Variants in BST1 observed in about 807,000 individuals in gnomAD.
The protein encoded by BST1 is ADP-ribosyl cyclase/cyclic ADP-ribose hydrolase 2.
A neutral mutation model predicts 40.6 loss-of-function variants in BST1; 49 were observed. The observed-to-expected ratio is 1.21, with a 90% CI of 0.96 to 1.53. The LOEUF (loss-of-function observed/expected upper bound fraction) is 1.53, where lower values mean the gene tolerates loss of function less well. Ranked by LOEUF, BST1 falls within the 40% of genes most tolerant of loss-of-function variation. BST1 has a pLI of 0.00. For missense variants in BST1, 423 were observed against 395.9 expected, an observed-to-expected ratio of 1.07 and a Z score of -0.58; for synonymous variants, 157 against 159.3, an observed-to-expected ratio of 0.99 and a Z score of 0.11.
chr4:15,755,339 A>G, the BST1 span, among the ~76,000 whole-genome samples: 6 of 152,014 alleles, frequency 3.9e-5, no homozygotes, highest in Non-Finnish European at 1.5e-5. Context: ...GGGTTTCACC[A>G]TGTTTGTCTG....
At chr4:15,708,391 G>T (rs757260396) in intron 3 of BST1, among the ~76,000 whole-genome samples, 1 of 152,158 alleles carries the variant, frequency 6.6e-6, no homozygotes, top group Non-Finnish European at 1.5e-5. Flanking sequence ...AGCCTCATGG[G>T]GGATATCAGC....
intron 6 of BST1, among the ~76,000 whole-genome samples, chr4:15,717,913 G>T (rs1056196103): frequency 8.5e-5 from 13 of 152,176 alleles, no homozygotes; most frequent in African/African-American, 2.9e-4. Flanking sequence ...AGGTTGCAGT[G>T]AGCTAACTTG....
At chr4:15,735,985 C>T, downstream of BST1, 2 of 961,870 alleles carry the variant, frequency 2.1e-6, no homozygotes, top group Non-Finnish European at 2.8e-6. Flanking sequence ...CAAATCTCAT[C>T]TGTCATACTG....
At chr4:15,709,074 G>A (rs1429523093) in intron 3 of BST1, among the ~76,000 whole-genome samples, 1 of 152,130 alleles carries the variant, frequency 6.6e-6, no homozygotes, top group Non-Finnish European at 1.5e-5. Context: ...ACAATAAACA[G>A]GCAAGTGAAA....
At chr4:15,761,320 C>T in the BST1 span, among the ~76,000 whole-genome samples, 2 of 151,918 alleles carry the variant, frequency 1.3e-5, no homozygotes, top group Admixed American at 6.5e-5. Context: ...TCTAGCTGTA[C>T]AGTTCTGGGA....
At chr4:15,713,690 T>A (rs1720346981) in intron 4 of BST1, among the ~76,000 whole-genome samples, 1 of 152,044 alleles carries the variant, frequency 6.6e-6, no homozygotes, top group Non-Finnish European at 1.5e-5. Flanking sequence ...TGCATTGGCA[T>A]ACTTTTTATT....
chr4:15,728,643 CTTTTTTTTTTT>C (rs869200119), intron 8 of BST1, among the ~76,000 whole-genome samples: 1 of 119,804 alleles, frequency 8.3e-6, no homozygotes, highest in East Asian at 2.3e-4. Context: ...TCCTTCCTTC[CTTTTTTTTTTT>C]TTTTTTTTGA....
chr4:15,748,076 T>C, the BST1 span, among the ~76,000 whole-genome samples: 1 of 152,222 alleles, frequency 6.6e-6, no homozygotes, highest in Admixed American at 6.5e-5. Flanking sequence ...GCCAGGTCAT[T>C]AAACTTTGAC....
At chr4:15,727,079 C>A (rs767252604) in intron 8 of BST1, among the ~76,000 whole-genome samples, 17 of 152,108 alleles carry the variant, frequency 1.1e-4, no homozygotes, top group Non-Finnish European at 1.5e-5. Context: ...TTTACTCCAA[C>A]CACATTCCTA....
At chr4:15,717,943 C>G (rs1337802618) in intron 6 of BST1, among the ~76,000 whole-genome samples, 1 of 152,054 alleles carries the variant, frequency 6.6e-6, no homozygotes, top group Admixed American at 6.6e-5. Context: ...ATCAGCTGAG[C>G]GTCTGGTGAT....
At chr4:15,762,810 C>T in the BST1 span, among the ~76,000 whole-genome samples, 1 of 152,196 alleles carries the variant, frequency 6.6e-6, no homozygotes, top group Admixed American at 6.5e-5. Context: ...ATTTGTCTTT[C>T]TGTGTCAGGC....
chr4:15,735,471 AG>A (rs1721522104), downstream of BST1, among the ~76,000 whole-genome samples: 1 of 152,132 alleles, frequency 6.6e-6, no homozygotes, highest in African/African-American at 2.4e-5. Flanking sequence ...GGAGGGTACA[AG>A]GGAAGCTTAA....
chr4:15,741,353 A>C (rs1396790176), downstream of BST1, among the ~76,000 whole-genome samples: 2 of 152,124 alleles, frequency 1.3e-5, no homozygotes, highest in African/African-American at 4.8e-5. Context: ...CAATCCTATT[A>C]TTATAGAAGT....
At chr4:15,757,991 C>T in the BST1 span, among the ~76,000 whole-genome samples, 1 of 152,084 alleles carries the variant, frequency 6.6e-6, no homozygotes, top group East Asian at 1.9e-4. Flanking sequence ...CCAATAACAT[C>T]AGCATTTTTA....
chr4:15,711,710 T>C (rs1218076474), intron 3 of BST1, 97 bp from the exon 4 acceptor site: 3 of 974,334 alleles, frequency 3.1e-6, no homozygotes, highest in Non-Finnish European at 4.9e-6. Context: ...GAATGGAAGC[T>C]AAGTATACAT....
chr4:15,762,687 C>T, the BST1 span, among the ~76,000 whole-genome samples: 1 of 151,390 alleles, frequency 6.6e-6, no homozygotes, highest in Non-Finnish European at 1.5e-5. Context: ...AAAGTTTGTA[C>T]TTTTTGACCA....
At position 15,731,954 on chromosome 4, in the gene BST1, GCTGGGAAAACGAT is replaced by G. The variant is rs1721394211; in HGVS notation, c.*110_*122del. ...ATTCTGTTATCTAAAGAAGCTTTTT[GCTGGGAAAACGAT>G]GTCCTGAAAATGGTATTTCAATGAG... is the stretch of plus-strand genomic sequence containing the variant. On this transcript the variant is annotated 3_prime_UTR_variant, in exon 9 of 9. Coordinates refer to ENST00000265016, the MANE Select transcript of BST1 (RefSeq NM_004334.3). The G allele has an allele frequency of 2.9e-6, 4 of 1,394,146 alleles. No homozygotes were observed. In the African/African-American group the frequency reaches 4.4e-5, roughly 15 times the overall value. 86.4% of individuals were successfully genotyped at this position (1,394,146 alleles called of 1,614,324 possible).
At chr4:15,773,422 G>T in the BST1 span, among the ~76,000 whole-genome samples, 1 of 152,208 alleles carries the variant, frequency 6.6e-6, no homozygotes, top group Non-Finnish European at 1.5e-5. Context: ...TGCAAATGTT[G>T]TCTTTTCTAA....
chr4:15,741,532 T>G (rs1721742460), downstream of BST1, among the ~76,000 whole-genome samples: 1 of 152,312 alleles, frequency 6.6e-6, no homozygotes, highest in Non-Finnish European at 1.5e-5. Context: ...CAGGGAAACC[T>G]CTAATTCACA....
Sources: allele counts gnomAD v4.1 joint callset (sites outside exome capture counted in the v4.1 genomes callset), GRCh38; gene constraint gnomAD v4.1.1; transcripts MANE v1.5; gene names NCBI Gene and HGNC (gene_info 2026-07-23, HGNC 2026-07-21).